Variants in SUN1 observed in about 807,000 individuals in gnomAD.
SUN1 encodes SUN domain-containing protein 1.
Under a neutral mutation model 103.2 loss-of-function variants are expected in SUN1, and 61 were observed. The ratio of observed to expected loss-of-function variants is 0.59; its 90% CI spans 0.48 to 0.73. The LOEUF (loss-of-function observed/expected upper bound fraction) is 0.73, where lower values mean the gene tolerates loss of function less well. Among genes scored for constraint, SUN1 ranks in the 30% least tolerant of loss-of-function variants. The pLI, the probability that SUN1 is intolerant of heterozygous loss-of-function variation, is 0.00. For synonymous variants in SUN1, 490 were observed against 425.7 expected (o/e 1.15, Z -1.86); for missense variants, 1,052 against 1,034.6 (o/e 1.02, Z -0.23).
At position 860,269 on chromosome 7, in the gene SUN1, C is replaced by T. The variant is rs777583914; in HGVS notation, c.1666C>T (p.Leu556=). Residue 556 remains leucine (L), a synonymous_variant, in exon 14 of 19, where the codon CTG becomes TTG. Coordinates refer to ENST00000401592, the MANE Select transcript of SUN1 (RefSeq NM_001130965.3). ...DLQTMLRDLQ[L]QILRNVTHHV... is the part of the protein sequence containing the mutation. ...GCAGACGATGCTGCGAGACCTGCAG[C>T]TGCAGATCCTGCGGAACGTCACCCA... The T allele has an allele frequency of 1.9e-6, 3 of 1,614,148 alleles. No individual in the cohort carries two copies. Among genetic ancestry groups the T allele is most frequent in the Admixed American group, 3.3e-5 (2 of 60,006 alleles).
chr7:850,766 T>TTA (rs2128372466), intron 5 of SUN1: 1 of 39,108 alleles, frequency 2.6e-5, no homozygotes, highest in East Asian at 9.0e-4. Flanking sequence ...GTCTCTTAAA[T>TTA]TAAAAAAAAA....
intron 18 of SUN1, 28 bp from the exon 19 acceptor site, chr7:873,185 ATG>A (rs750209966): frequency 6.3e-7 from 1 of 1,591,696 alleles, no homozygotes; most frequent in South Asian, 1.1e-5. Flanking sequence ...TATGAAATAC[ATG>A]TGTGTGTTTT....
intron 10 of SUN1, among the ~76,000 whole-genome samples, chr7:853,904 T>C (rs1176832312): frequency 1.3e-5 from 2 of 152,182 alleles, no homozygotes; most frequent in Non-Finnish European, 2.9e-5. Context: ...ACCGTGGTCT[T>C]TCCTGTCCTG....
chr7:839,720 T>A (rs1807289186), intron 2 of SUN1, among the ~76,000 whole-genome samples: 1 of 73,760 alleles, frequency 1.4e-5, no homozygotes, highest in Admixed American at 1.4e-4. Context: ...GCCCAGCTAA[T>A]TTTTGTATTT....
At chr7:864,468 C>A (rs371782088) in intron 15 of SUN1, among the ~76,000 whole-genome samples, 1 of 150,442 alleles carries the variant, frequency 6.6e-6, no homozygotes, top group Non-Finnish European at 1.5e-5. Flanking sequence ...GCAGGAGAAT[C>A]GCTTGAACCT....
intron 5 of SUN1, 45 bp from the exon 6 acceptor site, chr7:851,339 G>T (rs755612743): frequency 6.6e-7 from 1 of 1,520,110 alleles, no homozygotes; most frequent in South Asian, 1.2e-5. Flanking sequence ...TGCAGAGGCT[G>T]GTCCCTGGCG....
rs1247633679 is a variant in SUN1 at position 842,084 on chromosome 7, G to A, written c.405G>A (p.Leu135=). 1.2e-6 allele frequency: 2 copies of A among 1,614,234 alleles called. No individual in the cohort carries two copies. Among genetic ancestry groups the A allele is most frequent in the Admixed American group, 1.7e-5 (1 of 60,032 alleles). Residue 135 remains leucine (L), a synonymous_variant, in exon 3 of 19, where the codon TTG becomes TTA. Coordinates refer to ENST00000401592, the MANE Select transcript of SUN1 (RefSeq NM_001130965.3). ...CTGTGACTCGACGGCCTCCTGTATT[G>A]GACGAGTCTTGGATTCGTGAACAGA... The part of the protein sequence containing the change: ...QDAVTRRPPV[L]DESWIREQTT...
chr7:844,526 A>G (rs1813312498), intron 5 of SUN1, among the ~76,000 whole-genome samples: 1 of 152,192 alleles, frequency 6.6e-6, no homozygotes, highest in South Asian at 2.1e-4. Context: ...CGTTTTTACC[A>G]TCTTGTCTTC....
chr7:860,102 T>C (rs756096383), intron 13 of SUN1, 26 bp from the exon 14 acceptor site: 15 of 1,610,516 alleles, frequency 9.3e-6, no homozygotes, highest in Non-Finnish European at 1.2e-5. Flanking sequence ...AAATAGGACA[T>C]TTGTGTCCGT....
upstream of SUN1, chr7:816,563 C>T (rs1254351412): frequency 2.0e-5 from 8 of 393,986 alleles, no homozygotes; most frequent in Non-Finnish European, 3.0e-5. Flanking sequence ...TGAAGGCCTG[C>T]GTTGCTCCCG....
chr7:851,431 G>C lies in SUN1; in HGVS notation c.706G>C (p.Ala236Pro). The C allele has an allele frequency of 6.2e-7, 1 of 1,610,596 alleles. No individual in the cohort carries two copies. Among genetic ancestry groups the C allele is most frequent in the Non-Finnish European group, 8.5e-7 (1 of 1,178,520 alleles). The change falls in exon 6 of 19, where the codon GCT becomes CCT. Residue 236 changes from alanine to proline, a missense_variant. Transcript: ENST00000401592. ...GCGCAGGATCGGAGCTGTGGGCCAG[G>C]CTGTGTCCAGGACGGCGTGGTCGGC... is the stretch of plus-strand genomic sequence containing the variant. ...ILRRIGAVGQ[A>P]VSRTAWSALW...
At chr7:853,259 C>A (rs1252207758) in intron 9 of SUN1, 150 bp from the exon 10 acceptor site, 2 of 919,470 alleles carry the variant, frequency 2.2e-6, no homozygotes, top group Non-Finnish European at 3.3e-6. Flanking sequence ...AGGATCAAAC[C>A]TGATACTCCG....
In SUN1 at chr7:852,815, C is replaced by G; in HGVS notation, c.916C>G (p.Leu306Val). The G allele has an allele frequency of 6.2e-7, 1 of 1,612,420 alleles. No homozygotes were observed. Among genetic ancestry groups the G allele is most frequent in the Non-Finnish European group, 8.5e-7 (1 of 1,178,894 alleles). The change falls in exon 9 of 19, where the codon CTC becomes GTC. Residue 306 changes from leucine (L) to valine (V), a missense_variant. Leu to Val is a conservative substitution (Grantham distance 32). Coordinates refer to ENST00000401592, the MANE Select transcript of SUN1 (RefSeq NM_001130965.3). ...LIPLFLLLAG[L>V]SLRGQGNFFS... ...TGGTGGCTCTTCTCTTTTAGCAGGTCTCTCCTTACGGGGCCAGGGCAATTT... is the reference window on the plus strand; with the variant it reads ...TGGTGGCTCTTCTCTTTTAGCAGGTGTCTCCTTACGGGGCCAGGGCAATTT...
chr7:860,277 C>G lies in SUN1; in HGVS notation c.1674C>G (p.Ile558Met). The G allele has an allele frequency of 1.2e-6, 2 of 1,614,258 alleles. No homozygotes were observed. The highest frequency in any genetic ancestry group is 1.7e-6 in the Non-Finnish European group (2 of 1,180,060). ...TGCTGCGAGACCTGCAGCTGCAGAT[C>G]CTGCGGAACGTCACCCACCACGTTT... ...QTMLRDLQLQ[I>M]LRNVTHHVSV... is the part of the protein sequence containing the mutation. The change falls in exon 14 of 19, where the codon ATC becomes ATG. Residue 558 changes from isoleucine (I) to methionine (M), a missense_variant. Around this residue, in one of 2 missense-constraint regions of SUN1, gnomAD observed 846 missense variants for 774.5 expected, o/e 1.09. Transcript: ENST00000401592.
chr7:852,884 A>G lies in SUN1; in HGVS notation c.985A>G (p.Thr329Ala), dbSNP rs750701709. ...PVLNWASMHR[T>A]QRVDDPQDVF... ...GTTGAACTGGGCAAGCATGCATAGAACACAGCGGGTGGATGACCCCCAGGA... is the reference window on the plus strand; with the variant it reads ...GTTGAACTGGGCAAGCATGCATAGAGCACAGCGGGTGGATGACCCCCAGGA... Residue 329 changes from threonine to alanine, a missense_variant, in exon 9 of 19, where the codon ACA becomes GCA. Thr to Ala is a moderately conservative substitution (Grantham distance 58). This residue lies in a region of SUN1 where 846 missense variants were observed against 774.5 expected (regional missense o/e 1.09). Coordinates refer to ENST00000401592, the MANE Select transcript of SUN1 (RefSeq NM_001130965.3). The G allele has an allele frequency of 1.9e-6, 3 of 1,614,078 alleles. No homozygotes were observed. Among genetic ancestry groups the G allele is most frequent in the Admixed American group, 3.3e-5 (2 of 59,998 alleles).
At chr7:854,145 G>A (rs1012765725) in intron 10 of SUN1, among the ~76,000 whole-genome samples, 3 of 152,220 alleles carry the variant, frequency 2.0e-5, no homozygotes, top group Non-Finnish European at 2.9e-5. Flanking sequence ...GAACCGTTGC[G>A]TGAAAACTGA....
intron 2 of SUN1, 72 bp from the exon 3 acceptor site, chr7:841,874 T>C: frequency 6.7e-7 from 1 of 1,499,474 alleles, no homozygotes; most frequent in Non-Finnish European, 9.1e-7. Context: ...TAAGAGTTTG[T>C]GTTGGTCAAA....
chr7:835,656 C>G (rs1326214699), intron 1 of SUN1, among the ~76,000 whole-genome samples: 1 of 152,162 alleles, frequency 6.6e-6, no homozygotes, highest in Non-Finnish European at 1.5e-5. Flanking sequence ...GATGGTGTTA[C>G]GGGATGTTGC....
chr7:831,089 A>G (rs930292429), upstream of SUN1: 7 of 853,368 alleles, frequency 8.2e-6, no homozygotes, highest in African/African-American at 1.3e-4. Context: ...GGTGGGAGAG[A>G]GACAGTTAAA....
Sources: allele counts gnomAD v4.1 joint callset (sites outside exome capture counted in the v4.1 genomes callset), GRCh38; gene constraint gnomAD v4.1.1; regional missense constraint gnomAD v4.1.1; transcripts MANE v1.5; gene names NCBI Gene and HGNC (gene_info 2026-07-23, HGNC 2026-07-21).